The following ITPR1 variants were observed in gnomAD, a reference collection of about 807,000 sequenced individuals.
ITPR1 encodes the protein inositol 1,4,5-trisphosphate receptor type 1, also known as inositol 1,4,5-trisphosphate-gated calcium channel ITPR1.
A neutral mutation model predicts 318.4 loss-of-function variants in ITPR1; 96 were observed. The ratio of observed to expected loss-of-function variants is 0.30; its 90% CI spans 0.26 to 0.36. The LOEUF (loss-of-function observed/expected upper bound fraction) is 0.36, where lower values mean the gene tolerates loss of function less well. ITPR1 is among the 10% of genes least tolerant of loss of function. The pLI, the probability that ITPR1 is intolerant of heterozygous loss-of-function variation, is 1.00. For missense variants in ITPR1, 2,440 were observed against 3,460.2 expected, an observed-to-expected ratio of 0.71 and a Z score of 7.40; for synonymous variants, 1,312 against 1,289.9, an observed-to-expected ratio of 1.02 and a Z score of -0.37.
chr3:4,809,283 A>T (rs2048785064), intron 55 of ITPR1, among the ~76,000 whole-genome samples: 1 of 152,240 alleles, frequency 6.6e-6, no homozygotes, highest in African/African-American at 2.4e-5. Flanking sequence ...ACGAGCACGT[A>T]TGGAGGCATG....
In ITPR1 at chr3:4,691,341, C is replaced by T. The variant is rs752128008; in HGVS notation, c.4026C>T (p.Ala1342=). The T allele has an allele frequency of 2.1e-5, 34 of 1,599,662 alleles. No homozygotes were observed. The highest frequency in any genetic ancestry group is 1.1e-4 in the East Asian group (5 of 44,784). ...FIKKCQDMVM[A]ELVNSGEDVL... is the part of the protein sequence containing the mutation. ...AAAAATGCCAAGACATGGTTATGGC[C>T]GAGGTGATTGTTATATATTTCTGTA... is the stretch of plus-strand genomic sequence containing the variant. Residue 1342 remains alanine (A), a synonymous_variant, in exon 32 of 62, where the codon GCC becomes GCT. Coordinates refer to ENST00000649015, the MANE Select transcript of ITPR1 (RefSeq NM_001378452.1).
chr3:4,669,426 C>T (rs1281941590), intron 18 of ITPR1, among the ~76,000 whole-genome samples: 1 of 152,136 alleles, frequency 6.6e-6, no homozygotes, highest in Admixed American at 6.5e-5. Flanking sequence ...TGCCTCATCA[C>T]CTCTTCCTTG....
intron 2 of ITPR1, among the ~76,000 whole-genome samples, chr3:4,508,328 C>A (rs1398409067): frequency 1.3e-5 from 2 of 152,112 alleles, no homozygotes; most frequent in African/African-American, 4.8e-5. Flanking sequence ...TCCTCCCAAG[C>A]CTGTCCACCC....
chr3:4,833,451 T>A (rs1400743827), intron 60 of ITPR1, among the ~76,000 whole-genome samples: 1 of 152,240 alleles, frequency 6.6e-6, no homozygotes, highest in Non-Finnish European at 1.5e-5. Context: ...ATGAAGGATT[T>A]GAAAGCCAGA....
chr3:4,817,924 T>C (rs369715420), intron 59 of ITPR1, among the ~76,000 whole-genome samples, 158 bp from the exon 60 acceptor site: 38 of 152,354 alleles, frequency 2.5e-4, no homozygotes, highest in African/African-American at 8.7e-4. Context: ...CCTGCCATAA[T>C]GTAAACATGA....
In ITPR1 at chr3:4,826,655, G is replaced by A. The variant is rs1270936098; in HGVS notation, c.8028+8413G>A. Among the ~76,000 whole-genome samples the A allele has an allele frequency of 6.6e-6, 1 of 152,228 alleles. No individual in the cohort carries two copies. The highest frequency in any genetic ancestry group is 1.5e-5 in the Non-Finnish European group (1 of 68,044). On this transcript the variant is annotated intron_variant, in intron 60 of 61. Coordinates refer to ENST00000649015, the MANE Select transcript of ITPR1 (RefSeq NM_001378452.1). This position sits in a 1 kb window ranked among gnomAD's most constrained non-coding sequence, Gnocchi z 4.2. Reference sequence around the variant, plus strand: ...GCTTAAGTTTCCCCACCCAGCCTTAGAACACATTCTGCCCTTTAGTCTAGG... The same window carrying A: ...GCTTAAGTTTCCCCACCCAGCCTTAAAACACATTCTGCCCTTTAGTCTAGG...
intron 44 of ITPR1, among the ~76,000 whole-genome samples, chr3:4,741,404 C>T (rs564364212): frequency 6.6e-6 from 1 of 152,282 alleles, no homozygotes; most frequent in South Asian, 2.1e-4. Flanking sequence ...GTCTAGTCTA[C>T]AGACACACCC....
chr3:4,745,220 C>T (rs1052690927), intron 44 of ITPR1, among the ~76,000 whole-genome samples: 2 of 149,636 alleles, frequency 1.3e-5, no homozygotes, highest in Non-Finnish European at 3.0e-5. Context: ...TTGGTGGGAG[C>T]AGACAGGGTT....
intron 2 of ITPR1, among the ~76,000 whole-genome samples, chr3:4,494,887 GA>G (rs1193960737): frequency 6.6e-6 from 1 of 152,366 alleles, no homozygotes; most frequent in East Asian, 1.9e-4. Flanking sequence ...TCTCCTTCAA[GA>G]AATAGTCACT....
chr3:4,537,161 G>A (rs950977387), intron 4 of ITPR1, among the ~76,000 whole-genome samples: 7 of 152,202 alleles, frequency 4.6e-5, no homozygotes, highest in Non-Finnish European at 8.8e-5. Context: ...AAAATGAGTT[G>A]TGGAGTGTTT....
intron 4 of ITPR1, among the ~76,000 whole-genome samples, chr3:4,595,088 G>T (rs752015802): frequency 2.6e-5 from 4 of 152,170 alleles, no homozygotes; most frequent in Admixed American, 2.0e-4. Flanking sequence ...AGCTCAAAAG[G>T]TTGGCATGGG....
chr3:4,684,654 G>T (rs1445827809), intron 29 of ITPR1, among the ~76,000 whole-genome samples: 2 of 152,212 alleles, frequency 1.3e-5, no homozygotes, highest in African/African-American at 4.8e-5. Context: ...TACTGTCAGG[G>T]AGTCATCTAA....
At chr3:4,725,624 A>G (rs906477183) in intron 41 of ITPR1, 43 bp downstream of exon 41, 4 of 1,535,798 alleles carry the variant, frequency 2.6e-6, no homozygotes, top group Middle Eastern at 1.7e-4. Flanking sequence ...GCCAGCAAAT[A>G]TGGATGCCTC....
At chr3:4,609,950 A>G (rs2091975014) in intron 4 of ITPR1, among the ~76,000 whole-genome samples, 2 of 152,160 alleles carry the variant, frequency 1.3e-5, no homozygotes, top group Non-Finnish European at 2.9e-5. Context: ...GTTGCGGACT[A>G]AGGGATGCCC....
chr3:4,655,128 T>G (rs975174839), intron 12 of ITPR1, among the ~76,000 whole-genome samples: 1 of 152,210 alleles, frequency 6.6e-6, no homozygotes, highest in African/African-American at 2.4e-5. Context: ...GTTTGAACAC[T>G]TGGACTGGGA....
chr3:4,699,780 G>A, intron 34 of ITPR1, 33 bp from the exon 35 acceptor site: 2 of 1,608,974 alleles, frequency 1.2e-6, no homozygotes, highest in Admixed American at 3.3e-5. Context: ...GTAGGTTTTG[G>A]TGTAATGCTT....
chr3:4,675,363 C>G, intron 23 of ITPR1, 115 bp downstream of exon 23: 1 of 721,146 alleles, frequency 1.4e-6, no homozygotes, highest in Non-Finnish European at 2.2e-6. Context: ...TCCTTCCCAA[C>G]TTTTCATCGT....
chr3:4,521,145 T>C, intron 4 of ITPR1, 51 bp downstream of exon 4: 1 of 1,246,764 alleles, frequency 8.0e-7, no homozygotes, highest in Non-Finnish European at 1.2e-6. Flanking sequence ...TTGAAAATTC[T>C]TGAAGTGTGT....
Position 4,720,450 on chromosome 3 carries a change from C to T in ITPR1, c.5136+3051C>T, listed in dbSNP as rs80034731. On this transcript the variant is annotated intron_variant, in intron 40 of 61. Coordinates refer to ENST00000649015, the MANE Select transcript of ITPR1 (RefSeq NM_001378452.1). ...GCACTAATCAAACGGATAGTTCCAGCGAAGTACTCCCGAGGTGGTGAGCAG... is the reference window on the plus strand; with the variant it reads ...GCACTAATCAAACGGATAGTTCCAGTGAAGTACTCCCGAGGTGGTGAGCAG... Among the ~76,000 whole-genome samples, 266 of 152,314 alleles carry T rather than the reference C, an allele frequency of 1.7e-3. 1 individual carries two copies. The highest frequency in any genetic ancestry group is 5.5e-3 in the African/African-American group (228 of 41,566).
Sources: gnomAD v4.1 joint callset for allele counts (sites outside exome capture counted in the v4.1 genomes callset) on GRCh38, gnomAD v4.1.1 for gene constraint, Gnocchi (gnomAD v3.1) non-coding constraint, MANE v1.5 for transcripts, NCBI Gene and HGNC (gene_info 2026-07-23, HGNC 2026-07-21) for gene names.